The following CNKSR2 variants were observed in gnomAD, a reference collection of about 807,000 sequenced individuals.
CNKSR2 encodes CNK homolog protein 2.
Under a neutral mutation model 84.4 loss-of-function variants are expected in CNKSR2, and 14 were observed. That is an observed-to-expected ratio of 0.17 (90% confidence interval 0.11 to 0.26). The LOEUF (loss-of-function observed/expected upper bound fraction) is 0.26. Among genes scored for constraint, CNKSR2 ranks in the 10% least tolerant of loss-of-function variants. The probability of loss-of-function intolerance (pLI) is 1.00; values close to 1 mark genes in which losing one functional copy is unlikely to be tolerated. For synonymous variants in CNKSR2, 275 were observed against 277.9 expected (o/e 0.99, Z 0.10); for missense variants, 485 against 771.2 (o/e 0.63, Z 4.40).
chrX:21,546,236 A>G (rs1335427157), intron 11 of CNKSR2, among the ~76,000 whole-genome samples: 1 of 109,268 alleles, frequency 9.2e-6, no homozygotes, highest in Non-Finnish European at 1.9e-5. Context: ...AAATGACCTG[A>G]TGGAGCTGAA....
chrX:21,427,185 A>G (rs1401272624), intron 2 of CNKSR2: 1 of 112,637 alleles, frequency 8.9e-6, no homozygotes, highest in Non-Finnish European at 1.9e-5. Context: ...TCTGGGTTTA[A>G]GCACCAGGTT....
chrX:21,445,106 T>A (rs1226212354), intron 4 of CNKSR2, among the ~76,000 whole-genome samples: 3 of 111,376 alleles, frequency 2.7e-5, no homozygotes, highest in African/African-American at 9.8e-5. Context: ...TTTTACTATG[T>A]ACTCAGAGTT....
chrX:21,611,876 A>G (rs1313123447), intron 20 of CNKSR2, among the ~76,000 whole-genome samples: 2 of 111,752 alleles, frequency 1.8e-5, no homozygotes, highest in Non-Finnish European at 3.8e-5. Context: ...GATCTGCTTC[A>G]CTGAAAGTGG....
intron 1 of CNKSR2, among the ~76,000 whole-genome samples, chrX:21,416,988 C>T (rs776922468): frequency 7.2e-5 from 8 of 111,345 alleles, no homozygotes; most frequent in African/African-American, 2.3e-4. Flanking sequence ...TTTTCTAGCT[C>T]TTTAAGATGC....
At chrX:21,613,482 C>T (rs2092560603) in intron 20 of CNKSR2, among the ~76,000 whole-genome samples, 2 of 111,989 alleles carry the variant, frequency 1.8e-5, no homozygotes, top group Admixed American at 9.5e-5. Context: ...ACTTAATTTA[C>T]ACGTATATGT....
At chrX:21,463,351 T>C (rs1381735727) in intron 4 of CNKSR2, among the ~76,000 whole-genome samples, 1 of 111,247 alleles carries the variant, frequency 9.0e-6, no homozygotes, top group Non-Finnish European at 1.9e-5. Flanking sequence ...GTAGAATAAG[T>C]TTGAGTGCTC....
chrX:21,509,355 T>C (rs964152452), intron 8 of CNKSR2, among the ~76,000 whole-genome samples: 1 of 111,930 alleles, frequency 8.9e-6, no homozygotes, highest in South Asian at 3.7e-4. Flanking sequence ...ATTGTCGGCT[T>C]TTTTTCTCTA....
chrX:21,483,128 A>G (rs2147169215), intron 5 of CNKSR2, among the ~76,000 whole-genome samples: 1 of 111,680 alleles, frequency 9.0e-6, no homozygotes, highest in East Asian at 2.8e-4. Flanking sequence ...TATGTTTATT[A>G]CGGCATTACT....
intron 1 of CNKSR2, among the ~76,000 whole-genome samples, chrX:21,403,845 G>A (rs911778486): frequency 4.2e-4 from 47 of 111,656 alleles, no homozygotes; most frequent in African/African-American, 1.5e-3. Flanking sequence ...CAATGTGTAA[G>A]TTTCTGTTCT....
In CNKSR2 at chrX:21,381,550, T is replaced by C. The variant is rs561885038; in HGVS notation, c.64+6589T>C. Among the ~76,000 whole-genome samples, 7 of 112,388 alleles carry C rather than the reference T, an allele frequency of 6.2e-5. No homozygotes were observed. The South Asian group carries it at 2.6e-3, about 42-fold the overall frequency. On this transcript the variant is annotated intron_variant, in intron 1 of 21. Transcript: ENST00000379510. ...ATGAATTCCTTGAAAATAAATCTCA[T>C]CCGATCTCATTCTCTCACTTCTTAC...
chrX:21,464,842 T>C (rs1271529691), intron 4 of CNKSR2, among the ~76,000 whole-genome samples: 2 of 112,599 alleles, frequency 1.8e-5, no homozygotes, highest in African/African-American at 6.4e-5. Context: ...GGAAATTAAA[T>C]TGTTATAGAA....
chrX:21,527,386 A>G (rs994874539), intron 10 of CNKSR2, among the ~76,000 whole-genome samples: 5 of 110,413 alleles, frequency 4.5e-5, no homozygotes, highest in Non-Finnish European at 1.9e-5. Flanking sequence ...AGAGAAAGCT[A>G]TAGATAACTT....
intron 4 of CNKSR2, among the ~76,000 whole-genome samples, chrX:21,452,761 A>ATTTTATTTTATTTTATTTTATT (rs2090951112): frequency 1.2e-5 from 1 of 81,055 alleles, no homozygotes. Context: ...GACTTATTTT[A>ATTTTATTTTATTTTATTTTATT]TTTTATTTTA....
intron 13 of CNKSR2, 30 bp downstream of exon 13, chrX:21,563,482 C>G: frequency 9.5e-7 from 1 of 1,052,536 alleles, no homozygotes; most frequent in Non-Finnish European, 1.3e-6. Flanking sequence ...CTCTTCAATA[C>G]AGCTTTTATT....
chrX:21,628,533 G>C (rs2092634155), intron 20 of CNKSR2, among the ~76,000 whole-genome samples: 1 of 111,890 alleles, frequency 8.9e-6, no homozygotes, highest in Admixed American at 9.4e-5. Context: ...CTGAAATCTA[G>C]GCAGAGGTTC....
chrX:21,443,057 T>C (rs1209538387), intron 4 of CNKSR2, among the ~76,000 whole-genome samples: 1 of 110,395 alleles, frequency 9.1e-6, no homozygotes. Context: ...ACTATGCTCA[T>C]TACGTATGTG....
chrX:21,461,155 G>A (rs888291544), intron 4 of CNKSR2, among the ~76,000 whole-genome samples: 5 of 112,131 alleles, frequency 4.5e-5, no homozygotes, highest in South Asian at 3.7e-4. Context: ...CACCAACAGC[G>A]TACAAGGTTC....
At chrX:21,549,245 T>C (rs187863940) in intron 11 of CNKSR2, among the ~76,000 whole-genome samples, 45 of 112,379 alleles carry the variant, frequency 4.0e-4, no homozygotes, top group Non-Finnish European at 6.8e-4. Flanking sequence ...AAAATCAATG[T>C]GCAAAAATCG....
At chrX:21,476,274 C>G (rs1354221148) in intron 5 of CNKSR2, among the ~76,000 whole-genome samples, 1 of 110,951 alleles carries the variant, frequency 9.0e-6, no homozygotes, top group Non-Finnish European at 1.9e-5. Context: ...AAACTGAGAG[C>G]AAAGTGAACT....
Sources: allele counts gnomAD v4.1 joint callset (sites outside exome capture counted in the v4.1 genomes callset), GRCh38; gene constraint gnomAD v4.1.1; transcripts MANE v1.5; gene names NCBI Gene and HGNC (gene_info 2026-07-23, HGNC 2026-07-21).